Variants in RRBP1 observed in about 807,000 individuals in gnomAD.
RRBP1 encodes the protein ribosome-binding protein 1.
RRBP1 carries 94 observed loss-of-function variants against 165.2 expected under a neutral mutation model. That is an observed-to-expected ratio of 0.57 (90% CI 0.48 to 0.68). The LOEUF is 0.68. Among genes scored for constraint, RRBP1 ranks in the 30% least tolerant of loss-of-function variants. The pLI is 0.00. For missense variants in RRBP1, 1,676 were observed against 1,763.0 expected, an observed-to-expected ratio of 0.95 and a Z score of 0.88; for synonymous variants, 680 against 714.5, an observed-to-expected ratio of 0.95 and a Z score of 0.77.
chr20:17,666,450 ACTT>A (rs1418525093), intron 2 of RRBP1, among the ~76,000 whole-genome samples: 3 of 152,116 alleles, frequency 2.0e-5, no homozygotes, highest in Non-Finnish European at 4.4e-5. Flanking sequence ...TTTGTAAACT[ACTT>A]CTTCTACTCC....
intron 8 of RRBP1, among the ~76,000 whole-genome samples, chr20:17,631,839 G>C (rs986008220): frequency 1.3e-5 from 2 of 152,232 alleles, no homozygotes; most frequent in African/African-American, 4.8e-5. Context: ...CTCAGGTGAA[G>C]GCAGGACAGT....
Position 17,660,230 on chromosome 20 carries a change from G to A in RRBP1, c.278C>T (p.Thr93Ile). 1.2e-6 allele frequency: 2 copies of A among 1,613,014 alleles called. No individual in the cohort carries two copies. The highest frequency in any genetic ancestry group is 1.7e-6 in the Non-Finnish European group (2 of 1,179,418). Residue 93 changes from threonine (T) to isoleucine (I), a missense_variant, in exon 3 of 25, where the codon ACT becomes ATT. By Grantham distance (89) the Thr-to-Ile change is moderately conservative (BLOSUM62 -1). Coordinates refer to ENST00000377813, the MANE Select transcript of RRBP1 (RefSeq NM_001365613.2). The part of the protein sequence containing the change: ...IPDHDPAPNV[T>I]VLLREPVRAP... ...CCGCACTGGTTCTCGAAGGAGGACA[G>A]TCACATTGGGGGCTGGATCATGATC...
At chr20:17,662,526 G>A (rs535676058) in intron 2 of RRBP1, among the ~76,000 whole-genome samples, 1 of 152,288 alleles carries the variant, frequency 6.6e-6, no homozygotes, top group Admixed American at 6.5e-5. Flanking sequence ...GCTCATGGAG[G>A]CCTTTGAATC....
chr20:17,639,949 CT>C (rs1338725732), intron 5 of RRBP1, among the ~76,000 whole-genome samples: 2 of 151,526 alleles, frequency 1.3e-5, no homozygotes, highest in African/African-American at 4.8e-5. Flanking sequence ...GCTCAGGACT[CT>C]CAACAGAGAG....
intron 2 of RRBP1, among the ~76,000 whole-genome samples, chr20:17,668,872 T>A (rs2036920958): frequency 6.6e-6 from 1 of 152,154 alleles, no homozygotes; most frequent in Admixed American, 6.5e-5. Flanking sequence ...AACCTTGGCT[T>A]ATGAACTCTG....
intron 9 of RRBP1, among the ~76,000 whole-genome samples, chr20:17,627,942 A>G (rs2036063083): frequency 6.6e-6 from 1 of 152,188 alleles, no homozygotes; most frequent in Non-Finnish European, 1.5e-5. Flanking sequence ...TGAGAAAATG[A>G]TAGAGAGTGG....
At chr20:17,622,161 A>G (rs2035929016) in intron 13 of RRBP1, among the ~76,000 whole-genome samples, 2 of 152,216 alleles carry the variant, frequency 1.3e-5, no homozygotes, top group African/African-American at 4.8e-5. Flanking sequence ...CATTTCAAAC[A>G]GACTAAGCTC....
intron 2 of RRBP1, among the ~76,000 whole-genome samples, chr20:17,661,141 C>G (rs1168783897): frequency 2.0e-5 from 3 of 152,244 alleles, no homozygotes; most frequent in African/African-American, 7.2e-5. Context: ...TTTTAGCCAG[C>G]AGGCCCACAG....
At position 17,660,531 on chromosome 20, in the gene RRBP1, G is replaced by A. The variant is rs751009020; in HGVS notation, c.-21-3C>T. The A allele has an allele frequency of 3.2e-6, 5 of 1,542,356 alleles. No individual in the cohort carries two copies. Among genetic ancestry groups the A allele is most frequent in the Non-Finnish European group, 4.5e-6 (5 of 1,119,168 alleles). ...ATCCTGGCTTGCTTTCCTTTCACCTGTCAAACATACATGGAGGTTACTATT... is the reference window on the plus strand; with the variant it reads ...ATCCTGGCTTGCTTTCCTTTCACCTATCAAACATACATGGAGGTTACTATT... On this transcript the variant is annotated splice_polypyrimidine_tract_variant and splice_region_variant and intron_variant, in intron 2 of 24. Transcript: ENST00000377813.
intron 8 of RRBP1, among the ~76,000 whole-genome samples, chr20:17,630,804 A>T (rs1468677334): frequency 2.6e-5 from 4 of 152,230 alleles, no homozygotes; most frequent in Admixed American, 1.3e-4. Context: ...ACCAGGTAAG[A>T]GGGGCATCAA....
intron 1 of RRBP1, among the ~76,000 whole-genome samples, chr20:17,681,105 G>C (rs1332666405): frequency 5.9e-5 from 9 of 151,578 alleles, no homozygotes; most frequent in African/African-American, 2.2e-4. Flanking sequence ...CCGGGCCGGG[G>C]CGGGCACCAG....
intron 11 of RRBP1, 136 bp downstream of exon 11, chr20:17,627,212 G>C (rs1232658899): frequency 1.2e-6 from 1 of 807,708 alleles, no homozygotes; most frequent in East Asian, 2.7e-5. Flanking sequence ...CGGAGGATGG[G>C]GGAGGGAAGG....
intron 2 of RRBP1, among the ~76,000 whole-genome samples, chr20:17,668,955 C>T (rs2036923002): frequency 6.6e-6 from 1 of 152,098 alleles, no homozygotes; most frequent in Non-Finnish European, 1.5e-5. Flanking sequence ...TGTAACATTT[C>T]TAAGTGTTGG....
At chr20:17,648,992 AC>A (rs1197446009) in intron 3 of RRBP1, among the ~76,000 whole-genome samples, 1 of 152,178 alleles carries the variant, frequency 6.6e-6, no homozygotes, top group African/African-American at 2.4e-5. Context: ...CAGCCTCAAC[AC>A]GTTTTCAAGT....
chr20:17,668,774 C>T (rs943853029), intron 2 of RRBP1, among the ~76,000 whole-genome samples: 3 of 152,208 alleles, frequency 2.0e-5, no homozygotes, highest in African/African-American at 7.2e-5. Flanking sequence ...GACATTAAAG[C>T]CAAAGACTCA....
At chr20:17,664,349 T>C (rs1482247834) in intron 2 of RRBP1, among the ~76,000 whole-genome samples, 2 of 152,232 alleles carry the variant, frequency 1.3e-5, no homozygotes, top group Non-Finnish European at 2.9e-5. Context: ...AGGAAGAGTT[T>C]CTTTCTGAAA....
chr20:17,621,423 C>A (rs2035910536), intron 16 of RRBP1, 35 bp downstream of exon 16: 3 of 1,554,560 alleles, frequency 1.9e-6, no homozygotes, highest in East Asian at 2.3e-5. Flanking sequence ...TGCAGCCTCC[C>A]AGGGATGCCC....
intron 3 of RRBP1, among the ~76,000 whole-genome samples, chr20:17,655,845 T>C (rs1487650783): frequency 6.6e-6 from 1 of 152,264 alleles, no homozygotes; most frequent in African/African-American, 2.4e-5. Context: ...TGTGAGTTTT[T>C]GAAACTGCTA....
At position 17,627,498 on chromosome 20, in the gene RRBP1, G is replaced by A; in HGVS notation, c.2928+6C>T. ...TCCTCCCCGTGGCCCCAGGCAGAAG[G>A]CTGACCTGGACGTCCTGGGCATCCC... On this transcript the variant is annotated splice_donor_region_variant and intron_variant, in intron 10 of 24. Coordinates refer to ENST00000377813, the MANE Select transcript of RRBP1 (RefSeq NM_001365613.2). The A allele has an allele frequency of 6.2e-7, 1 of 1,608,794 alleles. No homozygotes were observed. Among genetic ancestry groups the A allele is most frequent in the South Asian group, 1.1e-5 (1 of 90,532 alleles).
Sources: allele counts gnomAD v4.1 joint callset (sites outside exome capture counted in the v4.1 genomes callset), GRCh38; gene constraint gnomAD v4.1.1; transcripts MANE v1.5; gene names NCBI Gene and HGNC (gene_info 2026-07-23, HGNC 2026-07-21).